Variants in LOC128462377 observed in about 807,000 individuals in gnomAD.
chr16:89,397,381 CAAA>C, the LOC128462377 span, among the ~76,000 whole-genome samples: 1 of 152,240 alleles, frequency 6.6e-6, no homozygotes, highest in Non-Finnish European at 1.5e-5. Context: ...TGAGTTTTCT[CAAA>C]GAAGCTGAAG....
At chr16:89,352,885 T>G in the LOC128462377 span, among the ~76,000 whole-genome samples, 1 of 152,240 alleles carries the variant, frequency 6.6e-6, no homozygotes, top group Non-Finnish European at 1.5e-5. Flanking sequence ...CTCTCACGGC[T>G]TGTTCTACTT....
chr16:89,324,498 G>A, the LOC128462377 span: 1 of 456,300 alleles, frequency 2.2e-6, no homozygotes, highest in African/African-American at 2.0e-5. Context: ...CTGTTCCTGG[G>A]AGCATCTTGA....
the LOC128462377 span, among the ~76,000 whole-genome samples, chr16:89,349,830 G>A: frequency 7.3e-6 from 1 of 136,920 alleles, no homozygotes; most frequent in Non-Finnish European, 1.6e-5. Context: ...ACACTATTAA[G>A]AAATAAAAAT....
the LOC128462377 span, chr16:89,412,510 T>G: frequency 1.3e-5 from 2 of 152,324 alleles, no homozygotes; most frequent in East Asian, 1.9e-4. Flanking sequence ...GTGGCAATGA[T>G]GTATTAAGAC....
the LOC128462377 span, among the ~76,000 whole-genome samples, chr16:89,351,208 T>C: frequency 3.3e-5 from 5 of 152,168 alleles, no homozygotes; most frequent in Admixed American, 3.3e-4. Context: ...CGGCAGCTGG[T>C]GGTGGGCATG....
the LOC128462377 span, chr16:89,323,957 G>A: frequency 1.9e-5 from 4 of 211,778 alleles, no homozygotes; most frequent in South Asian, 6.5e-5. Flanking sequence ...TGTTTGTGTC[G>A]GCCCCTCCCC....
the LOC128462377 span, among the ~76,000 whole-genome samples, chr16:89,346,877 C>G: frequency 6.6e-6 from 1 of 152,168 alleles, no homozygotes. Flanking sequence ...AAACATGTAA[C>G]AGAGACTAAA....
At chr16:89,393,912 G>T in the LOC128462377 span, among the ~76,000 whole-genome samples, 1 of 152,190 alleles carries the variant, frequency 6.6e-6, no homozygotes, top group African/African-American at 2.4e-5. Flanking sequence ...AAAAAGTCAC[G>T]AAGAAAGTGC....
At chr16:89,344,429 G>A in the LOC128462377 span, among the ~76,000 whole-genome samples, 42 of 152,246 alleles carry the variant, frequency 2.8e-4, 1 homozygote, top group South Asian at 1.4e-3. Flanking sequence ...GGGCCAACAC[G>A]GGCCACTGCT....
the LOC128462377 span, among the ~76,000 whole-genome samples, chr16:89,413,457 C>A: frequency 6.6e-6 from 1 of 152,064 alleles, no homozygotes; most frequent in South Asian, 2.1e-4. Context: ...AACCCCGTCT[C>A]TACTAAAGAT....
chr16:89,350,461 C>T, the LOC128462377 span, among the ~76,000 whole-genome samples: 2 of 152,154 alleles, frequency 1.3e-5, no homozygotes, highest in Non-Finnish European at 2.9e-5. Context: ...CATATCTACC[C>T]CCTAAAAAGC....
the LOC128462377 span, chr16:89,339,932 C>T: frequency 6.6e-6 from 1 of 152,170 alleles, no homozygotes; most frequent in East Asian, 1.9e-4. Flanking sequence ...TGGACGGTTC[C>T]TGCCGTACCT....
At chr16:89,349,784 G>T in the LOC128462377 span, among the ~76,000 whole-genome samples, 1 of 151,496 alleles carries the variant, frequency 6.6e-6, no homozygotes, top group African/African-American at 2.4e-5. Flanking sequence ...TATGAAGTTG[G>T]ACTTCATCAA....
chr16:89,317,671 T>C, the LOC128462377 span, among the ~76,000 whole-genome samples: 1 of 152,288 alleles, frequency 6.6e-6, no homozygotes, highest in East Asian at 1.9e-4. Context: ...TCCACGCCCA[T>C]GGAAGCAGAC....
the LOC128462377 span, among the ~76,000 whole-genome samples, chr16:89,384,752 G>C: frequency 1.3e-5 from 2 of 151,992 alleles, no homozygotes; most frequent in African/African-American, 4.8e-5. Flanking sequence ...CTGTATTTTT[G>C]GCAACCTGTA....
chr16:89,411,086 T>C, the LOC128462377 span, among the ~76,000 whole-genome samples: 1 of 152,028 alleles, frequency 6.6e-6, no homozygotes, highest in Non-Finnish European at 1.5e-5. Context: ...AGGAGGCAGG[T>C]TCCTGAAGCT....
chr16:89,335,341 G>C, the LOC128462377 span, among the ~76,000 whole-genome samples: 1 of 152,210 alleles, frequency 6.6e-6, no homozygotes, highest in African/African-American at 2.4e-5. Context: ...TCCAGCACAG[G>C]AACAAATCCA....
chr16:89,343,734 T>C, the LOC128462377 span: 5 of 152,282 alleles, frequency 3.3e-5, no homozygotes, highest in Non-Finnish European at 5.9e-5. Flanking sequence ...CAGCTCATGT[T>C]TTCAAGGAAG....
At chr16:89,417,645 C>T in the LOC128462377 span, among the ~76,000 whole-genome samples, 2 of 152,162 alleles carry the variant, frequency 1.3e-5, no homozygotes, top group African/African-American at 4.8e-5. Context: ...GCCAGAATAG[C>T]CATCTAGAGG....
Sources: gnomAD v4.1 joint callset for allele counts (sites outside exome capture counted in the v4.1 genomes callset) on GRCh38, gnomAD v4.1.1 for gene constraint, MANE v1.5 for transcripts.